ATXN1: variants seen among roughly 807,000 people sequenced by gnomAD.
ATXN1 encodes the protein ataxin 1, also known as ataxin-1.
Under a neutral mutation model 56.4 loss-of-function variants are expected in ATXN1, and 8 were observed. That is an observed-to-expected ratio of 0.14 (90% confidence interval 0.08 to 0.26). ATXN1 has a LOEUF of 0.26. ATXN1 is among the 10% of genes least tolerant of loss of function. ATXN1 has a pLI of 1.00. For synonymous variants in ATXN1, 514 were observed against 494.6 expected (o/e 1.04, Z -0.52); for missense variants, 987 against 1,106.5 (o/e 0.89, Z 1.53).
chr6:16,728,783 T>C (rs1160230872), intron 2 of ATXN1, among the ~76,000 whole-genome samples: 10 of 152,132 alleles, frequency 6.6e-5, no homozygotes, highest in Non-Finnish European at 1.3e-4. Context: ...ACTAGAGAGA[T>C]ATCAAAATTC....
At chr6:16,522,424 C>T (rs896805031) in intron 5 of ATXN1, among the ~76,000 whole-genome samples, 4 of 151,998 alleles carry the variant, frequency 2.6e-5, no homozygotes, top group African/African-American at 7.3e-5. Flanking sequence ...AAAAAGAAAT[C>T]GCAGAAAAAT....
intron 6 of ATXN1, among the ~76,000 whole-genome samples, chr6:16,443,916 A>G (rs188873446): frequency 6.6e-6 from 1 of 152,250 alleles, no homozygotes; most frequent in South Asian, 2.1e-4. Flanking sequence ...GGAGATCGAG[A>G]CCATCCTGGC....
chr6:16,372,934 T>TAAACAAAC (rs58286188), intron 6 of ATXN1, among the ~76,000 whole-genome samples: 7 of 148,742 alleles, frequency 4.7e-5, no homozygotes, highest in Non-Finnish European at 8.9e-5. Flanking sequence ...AATAAATAAA[T>TAAACAAAC]AAACAAACAA....
chr6:16,421,398 G>T (rs1759028877), intron 6 of ATXN1, among the ~76,000 whole-genome samples: 1 of 152,102 alleles, frequency 6.6e-6, no homozygotes, highest in African/African-American at 2.4e-5. Context: ...GTCCCCTCCT[G>T]CCTTGGATAA....
intron 2 of ATXN1, among the ~76,000 whole-genome samples, chr6:16,706,738 A>AC (rs55662629): frequency 2.7e-5 from 4 of 150,162 alleles, no homozygotes; most frequent in Non-Finnish European, 5.9e-5. Flanking sequence ...AAAAAAAAAA[A>AC]AAGGAAGAAA....
At chr6:16,416,109 A>AC (rs945247272) in intron 6 of ATXN1, among the ~76,000 whole-genome samples, 13 of 150,632 alleles carry the variant, frequency 8.6e-5, no homozygotes, top group African/African-American at 3.2e-4. Flanking sequence ...AAAAAAAAAA[A>AC]CCCAGGCTTT....
chr6:16,508,661 G>A (rs1761024769), intron 5 of ATXN1, among the ~76,000 whole-genome samples: 1 of 152,152 alleles, frequency 6.6e-6, no homozygotes, highest in Non-Finnish European at 1.5e-5. Flanking sequence ...GAACCCTTGT[G>A]CACTGTTGGT....
intron 4 of ATXN1, among the ~76,000 whole-genome samples, chr6:16,557,223 A>T (rs1451322495): frequency 6.7e-6 from 1 of 149,024 alleles, no homozygotes; most frequent in Non-Finnish European, 1.5e-5. Flanking sequence ...GTTACTGGGG[A>T]GGCTAAGGCA....
rs1760200255 is a variant in ATXN1, at chr6:16,304,713, C to T, written c.*1616G>A. On this transcript the variant is annotated 3_prime_UTR_variant, in exon 8 of 8. Coordinates refer to ENST00000436367, the MANE Select transcript of ATXN1 (RefSeq NM_001128164.2). ...AGAAATTTTGCTACATTTATTTATGCTCGTTCAGTCCCCCAAACCTTTCCC... is the reference window on the plus strand; with the variant it reads ...AGAAATTTTGCTACATTTATTTATGTTCGTTCAGTCCCCCAAACCTTTCCC... 6.6e-6 allele frequency: 1 copy of T among 152,608 alleles called. No individual in the cohort carries two copies. The highest frequency in any genetic ancestry group is 6.5e-5 in the Admixed American group (1 of 15,274). 9.5% of individuals were successfully genotyped at this position (152,608 alleles called of 1,614,324 possible). A position where few individuals can be genotyped will look rare whatever the true frequency, so the allele number is the denominator to read the frequency against.
intron 2 of ATXN1, among the ~76,000 whole-genome samples, chr6:16,704,504 CA>C (rs778970510): frequency 6.6e-5 from 10 of 152,212 alleles, no homozygotes; most frequent in Admixed American, 1.3e-4. Flanking sequence ...GTATAAAAAA[CA>C]GATGCTCTAA....
intron 6 of ATXN1, among the ~76,000 whole-genome samples, chr6:16,389,524 CT>C (rs148948962): frequency 0.013 from 1,956 of 152,162 alleles, 18 homozygotes; most frequent in Non-Finnish European, 0.018. Context: ...ATTTTCTTGT[CT>C]TCTTTAGGCT....
chr6:16,584,291 T>C (rs377259520), intron 4 of ATXN1, among the ~76,000 whole-genome samples: 2,236 of 141,886 alleles, frequency 0.016, 69 homozygotes, highest in African/African-American at 0.055. Context: ...TATATATATA[T>C]ACACACACAC....
intron 3 of ATXN1, chr6:16,614,911 C>G (rs1763179802): frequency 6.6e-6 from 1 of 151,188 alleles, no homozygotes; most frequent in South Asian, 2.1e-4. Context: ...GGCAACAGAG[C>G]AAGACCCTGT....
intron 2 of ATXN1, among the ~76,000 whole-genome samples, chr6:16,745,934 GTGTGT>G (rs997523886): frequency 2.5e-3 from 18 of 7,142 alleles, no homozygotes; most frequent in African/African-American, 3.8e-3. Flanking sequence ...TATGCCTTCC[GTGTGT>G]GTGTGTGTGT....
intron 6 of ATXN1, among the ~76,000 whole-genome samples, chr6:16,469,790 C>G (rs1428291265): frequency 6.6e-6 from 1 of 151,938 alleles, no homozygotes. Flanking sequence ...ATGGCAAAAC[C>G]CTGACCCTAC....
chr6:16,375,851 C>T (rs569768179), intron 6 of ATXN1, among the ~76,000 whole-genome samples: 1 of 152,028 alleles, frequency 6.6e-6, no homozygotes, highest in African/African-American at 2.4e-5. Flanking sequence ...CCTTCTGGCA[C>T]AAGAAAAGAG....
At chr6:16,472,896 C>A (rs929164344) in intron 6 of ATXN1, among the ~76,000 whole-genome samples, 1 of 152,164 alleles carries the variant, frequency 6.6e-6, no homozygotes, top group Non-Finnish European at 1.5e-5. Context: ...TCAGTCTGTT[C>A]GAACTCTTTG....
rs556255149 is a variant in ATXN1, at chr6:16,640,426, GT to G, written c.-489+17349del. Among the ~76,000 whole-genome samples the G allele has an allele frequency of 2.8e-4, 43 of 152,300 alleles. No homozygotes were observed. The South Asian group carries it at 8.7e-3, about 31-fold the overall frequency. ...TGGCCAGGCACGGGGGCTCACGCCT[GT>G]AATCCCAGCACTTTGGGAGGCCAAG... On this transcript the variant is annotated intron_variant, in intron 3 of 7. Coordinates refer to ENST00000436367, the MANE Select transcript of ATXN1 (RefSeq NM_001128164.2).
At chr6:16,391,921 T>C (rs1758362036) in intron 6 of ATXN1, among the ~76,000 whole-genome samples, 1 of 152,172 alleles carries the variant, frequency 6.6e-6, no homozygotes, top group Admixed American at 6.5e-5. Context: ...TGGCTTCTGG[T>C]GGCCTACGGT....
Sources: gnomAD v4.1 joint callset for allele counts (sites outside exome capture counted in the v4.1 genomes callset) on GRCh38, gnomAD v4.1.1 for gene constraint, MANE v1.5 for transcripts, NCBI Gene and HGNC (gene_info 2026-07-23, HGNC 2026-07-21) for gene names.